Variants in TRMT11 observed in about 807,000 individuals in gnomAD.
TRMT11 encodes the protein tRNA (guanine(10)-N(2))-methyltransferase TRMT11.
A neutral mutation model predicts 62.8 loss-of-function variants in TRMT11; 53 were observed. The observed-to-expected ratio is 0.84, with a 90% CI of 0.68 to 1.06. The LOEUF (loss-of-function observed/expected upper bound fraction) is 1.06, where lower values mean the gene tolerates loss of function less well. Ranked by LOEUF, TRMT11 falls within the 50% of genes least tolerant of loss-of-function variation. The pLI is 0.00. For missense variants in TRMT11, 556 were observed against 553.4 expected (o/e 1.00, Z -0.05); for synonymous variants, 188 against 190.3 (o/e 0.99, Z 0.10).
chr6:126,194,837 G>A (rs992378695), intron 1 of TRMT11, among the ~76,000 whole-genome samples: 1 of 152,158 alleles, frequency 6.6e-6, no homozygotes, highest in Admixed American at 6.5e-5. Flanking sequence ...AAACTAGGTT[G>A]GGCATAGTAG....
intron 21 of TRMT11, among the ~76,000 whole-genome samples, chr6:126,149,832 C>T (rs1213367603): frequency 6.6e-6 from 1 of 152,168 alleles, no homozygotes; most frequent in Non-Finnish European, 1.5e-5. Context: ...CCCACCTGAG[C>T]AGCCAGCAGT....
At chr6:126,225,001 G>A in the TRMT11 span, among the ~76,000 whole-genome samples, 1 of 152,146 alleles carries the variant, frequency 6.6e-6, no homozygotes, top group African/African-American at 2.4e-5. Flanking sequence ...GTGTGGCCAC[G>A]AGGGAGCCTG....
rs777083837 is a variant in TRMT11, at chr6:125,986,562, G to C, written c.12G>C (p.Ser4=). 4 of 1,590,874 alleles carry C rather than the reference G, an allele frequency of 2.5e-6. No homozygotes were observed. Among genetic ancestry groups the C allele is most frequent in the South Asian group, 1.1e-5 (1 of 87,266 alleles). The change falls in exon 1 of 13, where the codon TCG becomes TCC. Residue 4 remains serine (S), a synonymous_variant. Transcript: ENST00000334379. MAL[S]CTLNRYLLLM... is the part of the protein sequence containing the mutation. The stretch of plus-strand genomic sequence containing the variant: ...GGTGGGCAGCTGCAATGGCGCTGTC[G>C]TGTACCCTTAACAGGTATCTGCTCC...
chr6:126,096,265 A>G (rs1396337020), intron 17 of TRMT11, among the ~76,000 whole-genome samples: 2 of 152,172 alleles, frequency 1.3e-5, no homozygotes, highest in East Asian at 3.9e-4. Flanking sequence ...GTGGTGCTCT[A>G]GTTTATCATT....
the TRMT11 span, among the ~76,000 whole-genome samples, chr6:126,258,997 C>T: frequency 4.6e-5 from 7 of 152,090 alleles, no homozygotes; most frequent in African/African-American, 1.4e-4. Context: ...TTCCATATGA[C>T]GTGATGTGTG....
chr6:126,215,978 TC>T, the TRMT11 span, among the ~76,000 whole-genome samples: 4 of 152,102 alleles, frequency 2.6e-5, no homozygotes, highest in Admixed American at 2.6e-4. Context: ...GATTGGTACA[TC>T]TTTTAGTCTT....
chr6:126,220,431 C>T, the TRMT11 span, among the ~76,000 whole-genome samples: 4 of 152,198 alleles, frequency 2.6e-5, no homozygotes, highest in Non-Finnish European at 5.9e-5. Flanking sequence ...TCTTTATCCA[C>T]ACTGGTACCT....
chr6:126,120,483 A>G (rs1357767137), intron 21 of TRMT11, among the ~76,000 whole-genome samples: 2 of 152,166 alleles, frequency 1.3e-5, no homozygotes, highest in East Asian at 1.9e-4. Flanking sequence ...GTTTGTGTCA[A>G]CGTTACAAAC....
intron 16 of TRMT11, among the ~76,000 whole-genome samples, chr6:126,048,442 A>T (rs1035789304): frequency 6.6e-6 from 1 of 152,198 alleles, no homozygotes; most frequent in Non-Finnish European, 1.5e-5. Flanking sequence ...AGATTTGCAG[A>T]TTGAAGACAT....
intron 12 of TRMT11, among the ~76,000 whole-genome samples, chr6:126,029,561 A>G (rs1420452386): frequency 6.6e-6 from 1 of 152,134 alleles, no homozygotes; most frequent in Non-Finnish European, 1.5e-5. Context: ...TATCCTTTTA[A>G]TGGATTATGG....
intron 16 of TRMT11, among the ~76,000 whole-genome samples, chr6:126,052,999 GTAAA>G (rs1776261613): frequency 6.6e-6 from 1 of 152,160 alleles, no homozygotes; most frequent in Non-Finnish European, 1.5e-5. Flanking sequence ...TCTGCTAGGG[GTAAA>G]TGGCCCAGAA....
intron 2 of TRMT11, among the ~76,000 whole-genome samples, chr6:125,994,422 C>T (rs1240408870): frequency 6.6e-6 from 1 of 151,158 alleles, no homozygotes; most frequent in East Asian, 1.9e-4. Flanking sequence ...TGGCCTTTAT[C>T]TCTAACATAG....
intron 17 of TRMT11, among the ~76,000 whole-genome samples, chr6:126,061,367 T>C (rs988674386): frequency 6.6e-6 from 1 of 152,222 alleles, no homozygotes; most frequent in East Asian, 1.9e-4. Context: ...AAGTCATTAA[T>C]ATAGTTCTTA....
chr6:126,005,656 A>T (rs1793236898), intron 7 of TRMT11, among the ~76,000 whole-genome samples: 1 of 151,764 alleles, frequency 6.6e-6, no homozygotes, highest in African/African-American at 2.4e-5. Flanking sequence ...ATTTTCTAGT[A>T]CTCTTTTTGG....
At chr6:126,127,050 G>A (rs1347553166) in intron 21 of TRMT11, among the ~76,000 whole-genome samples, 1 of 152,152 alleles carries the variant, frequency 6.6e-6, no homozygotes, top group East Asian at 1.9e-4. Context: ...CAAGGGTGTT[G>A]TAGTCGAGAA....
At position 126,011,323 on chromosome 6, in the gene TRMT11, T is replaced by C. The variant is rs762066954; in HGVS notation, c.831T>C (p.Tyr277=). The part of the protein sequence containing the change: ...DENIRANLRQ[Y]GLEKYYLDVL... ...ACATTAGGGCCAATCTTCGTCAATATGGTTTAGAGAAGTATTACCTTGATG... is the reference window on the plus strand; with the variant it reads ...ACATTAGGGCCAATCTTCGTCAATACGGTTTAGAGAAGTATTACCTTGATG... The change falls in exon 9 of 13, where the codon TAT becomes TAC. Residue 277 remains tyrosine, a synonymous_variant. Coordinates refer to ENST00000334379, the MANE Select transcript of TRMT11 (RefSeq NM_001031712.3). 1.9e-6 allele frequency: 3 copies of C among 1,613,406 alleles called. No individual in the cohort carries two copies. Among genetic ancestry groups the C allele is most frequent in the East Asian group, 4.5e-5 (2 of 44,818 alleles).
At chr6:126,192,527 A>C (rs188479129) in intron 1 of TRMT11, among the ~76,000 whole-genome samples, 3 of 152,260 alleles carry the variant, frequency 2.0e-5, no homozygotes, top group Non-Finnish European at 4.4e-5. Flanking sequence ...TTGAGATCTT[A>C]CTTAAAAGGC....
upstream of TRMT11, among the ~76,000 whole-genome samples, chr6:126,176,774 G>T (rs1190604214): frequency 6.6e-6 from 1 of 152,068 alleles, no homozygotes; most frequent in Non-Finnish European, 1.5e-5. Flanking sequence ...TGAACAAGAA[G>T]CCCATTAAAA....
At chr6:126,108,733 T>A (rs191369237) in intron 17 of TRMT11, among the ~76,000 whole-genome samples, 2 of 152,166 alleles carry the variant, frequency 1.3e-5, no homozygotes, top group African/African-American at 4.8e-5. Context: ...AGAAATAAGG[T>A]TAAATGTAGA....
Sources: allele counts gnomAD v4.1 joint callset (sites outside exome capture counted in the v4.1 genomes callset), GRCh38; gene constraint gnomAD v4.1.1; transcripts MANE v1.5; gene names NCBI Gene and HGNC (gene_info 2026-07-23, HGNC 2026-07-21).